The following ANXA13 variants were observed in gnomAD, a reference collection of about 807,000 sequenced individuals.
ANXA13 encodes the protein annexin A13.
ANXA13 carries 36 observed loss-of-function variants against 46.6 expected under a neutral mutation model. The observed-to-expected ratio is 0.77, with a 90% CI of 0.59 to 1.02. ANXA13 has a LOEUF of 1.02. ANXA13 is among the 50% of genes least tolerant of loss of function. The pLI, the probability that ANXA13 is intolerant of heterozygous loss-of-function variation, is 0.00. For missense variants in ANXA13, 417 were observed against 396.5 expected, an observed-to-expected ratio of 1.05 and a Z score of -0.44; for synonymous variants, 163 against 152.9, an observed-to-expected ratio of 1.07 and a Z score of -0.49.
Position 123,681,493 on chromosome 8 carries a change from C to A in ANXA13, c.832-134G>T, listed in dbSNP as rs1424389608. 3.7e-6 allele frequency: 3 copies of A among 818,870 alleles called. No homozygotes were observed. In the African/African-American group the frequency reaches 5.1e-5, roughly 14 times the overall value. The allele number at this position is 818,870 out of a possible 1,614,324, so 50.7% of individuals were successfully genotyped here. ...CAGCCCTTGAGATAGGGCTTTATTT[C>A]CTATCATTATTTCCTTTATCACGTT... On this transcript the variant is annotated intron_variant, in intron 10 of 10. Coordinates refer to ENST00000419625, the MANE Select transcript of ANXA13 (RefSeq NM_004306.4).
rs775521561 is a variant in ANXA13 at position 123,698,548 on chromosome 8, T to C, written c.198A>G (p.Glu66=). 3.1e-6 allele frequency: 5 copies of C among 1,614,004 alleles called. No individual in the cohort carries two copies. The highest frequency in any genetic ancestry group is 4.2e-6 in the Non-Finnish European group (5 of 1,179,972). ...TTCCACTCAGCTCACTCTTGAGTAC[T>C]TCCTCCAGCTCCTACCAGAAGACAG... ...YKATYGKELE[E]VLKSELSGNF... The change falls in exon 4 of 11, where the codon GAA becomes GAG. Residue 66 remains glutamate (E), a synonymous_variant. Coordinates refer to ENST00000419625, the MANE Select transcript of ANXA13 (RefSeq NM_004306.4).
Position 123,693,299 on chromosome 8 carries a change from C to A in ANXA13, c.541-1G>T. The A allele has an allele frequency of 6.2e-7, 1 of 1,613,816 alleles. No homozygotes were observed. The highest frequency in any genetic ancestry group is 8.5e-7 in the Non-Finnish European group (1 of 1,179,812). On this transcript the variant is annotated splice_acceptor_variant, in intron 7 of 10. Transcript: ENST00000419625. LOFTEE classifies it high-confidence loss of function. ...CAGTGCCCCAGCGGCCTTCCCCTGC[C>A]TCAAGGGTCAAATACAAACACTTTG...
At position 123,698,579 on chromosome 8, in the gene ANXA13, G is replaced by A. The variant is rs775421021; in HGVS notation, c.187-20C>T. The A allele has an allele frequency of 1.2e-6, 2 of 1,612,536 alleles. No homozygotes were observed. The highest frequency in any genetic ancestry group is 2.2e-5 in the East Asian group (1 of 44,838). The stretch of plus-strand genomic sequence containing the variant: ...CAGCTCCTACCAGAAGACAGTGAGA[G>A]ACGTGCTGGGAATGGCCCAGGAGGA... On this transcript the variant is annotated intron_variant, in intron 3 of 10. Coordinates refer to ENST00000419625, the MANE Select transcript of ANXA13 (RefSeq NM_004306.4).
intron 10 of ANXA13, 60 bp from the exon 11 acceptor site, chr8:123,681,419 G>C: frequency 1.3e-6 from 2 of 1,531,508 alleles, no homozygotes; most frequent in Non-Finnish European, 1.8e-6. Context: ...ACAAACAGTG[G>C]GCACTGTTCT....
At chr8:123,725,693 C>A (rs1400020451) in intron 1 of ANXA13, among the ~76,000 whole-genome samples, 1 of 152,118 alleles carries the variant, frequency 6.6e-6, no homozygotes, top group African/African-American at 2.4e-5. Context: ...TGGCAGTATA[C>A]CCTGTTGGGT....
At position 123,712,400 on chromosome 8, in the gene ANXA13, C is replaced by T. The variant is rs114739259; in HGVS notation, c.91+278G>A. The T allele has an allele frequency of 3.4e-3, 1,632 of 479,850 alleles. 22 individuals are homozygous for T. Among genetic ancestry groups the T allele is most frequent in the African/African-American group, 0.027 (1,380 of 51,232 alleles). 29.7% of individuals were successfully genotyped at this position (479,850 alleles called of 1,614,324 possible). On this transcript the variant is annotated intron_variant, in intron 2 of 10. Coordinates refer to ENST00000419625, the MANE Select transcript of ANXA13 (RefSeq NM_004306.4). ...AGAACAGACTAATACACCAGGATTG[C>T]ATGAACTGCACTTCTCATGAAGTTT...
intron 1 of ANXA13, among the ~76,000 whole-genome samples, chr8:123,734,538 T>C (rs1814211293): frequency 6.6e-6 from 1 of 152,088 alleles, no homozygotes; most frequent in African/African-American, 2.4e-5. Context: ...AAATCATTAA[T>C]AGTGGCAAAA....
At chr8:123,687,527 A>G (rs1586312257) in intron 9 of ANXA13, among the ~76,000 whole-genome samples, 1 of 152,284 alleles carries the variant, frequency 6.6e-6, no homozygotes, top group East Asian at 1.9e-4. Flanking sequence ...GTGGGTCATG[A>G]GTAATGCCAG....
intron 9 of ANXA13, among the ~76,000 whole-genome samples, chr8:123,686,467 A>T (rs1813142127): frequency 6.8e-6 from 1 of 147,756 alleles, no homozygotes; most frequent in East Asian, 2.0e-4. Context: ...CTTAAAAAAA[A>T]AAAAAAGAAA....
At chr8:123,706,869 G>C (rs1306545276) in intron 2 of ANXA13, among the ~76,000 whole-genome samples, 2 of 152,278 alleles carry the variant, frequency 1.3e-5, no homozygotes, top group Non-Finnish European at 2.9e-5. Flanking sequence ...GCAGCTCCTA[G>C]AACAAACAAC....
chr8:123,715,529 C>G lies in ANXA13; in HGVS notation c.16-2776G>C, dbSNP rs1413317309. ...TCAGTGCAGAGAATTTTTTGGGACA[C>G]ATGATCTGTCCCACTTGACAACTAA... On this transcript the variant is annotated intron_variant, in intron 1 of 10. Coordinates refer to ENST00000419625, the MANE Select transcript of ANXA13 (RefSeq NM_004306.4). Among the ~76,000 whole-genome samples the G allele has an allele frequency of 2.0e-5, 3 of 152,194 alleles. No homozygotes were observed. In the East Asian group the frequency reaches 5.8e-4, roughly 29 times the overall value.
Position 123,727,509 on chromosome 8 carries a change from G to A in ANXA13, c.15+9811C>T, listed in dbSNP as rs78957046. ...ACCAGGAGCGATTTTTGTCTCCCAG[G>A]AGACAATTGGCAATGTCTGGAGACA... On this transcript the variant is annotated intron_variant, in intron 1 of 10. Transcript: ENST00000419625. Among the ~76,000 whole-genome samples the A allele has an allele frequency of 5.6e-4, 85 of 152,116 alleles. 1 individual carries two copies. The highest frequency in any genetic ancestry group is 2.0e-3 in the African/African-American group (84 of 41,498).
intron 1 of ANXA13, among the ~76,000 whole-genome samples, chr8:123,717,464 C>A (rs1226884672): frequency 6.6e-6 from 1 of 152,108 alleles, no homozygotes; most frequent in Non-Finnish European, 1.5e-5. Flanking sequence ...GATACATACA[C>A]AAACATATGT....
Position 123,693,179 on chromosome 8 carries a change from C to T in ANXA13, c.642+18G>A. ...ACTTTCAGAGTGAACTCTTTTGCCC[C>T]AATACTTTATGACTTACAATTTGAT... On this transcript the variant is annotated intron_variant, in intron 8 of 10. Transcript: ENST00000419625. 6.2e-7 allele frequency: 1 copy of T among 1,608,686 alleles called. No individual in the cohort carries two copies. The highest frequency in any genetic ancestry group is 8.5e-7 in the Non-Finnish European group (1 of 1,175,390).
intron 8 of ANXA13, among the ~76,000 whole-genome samples, chr8:123,692,815 G>T: frequency 6.6e-6 from 1 of 152,112 alleles, no homozygotes; most frequent in East Asian, 1.9e-4. Context: ...CCCAGGATTT[G>T]CACCTGGACT....
chr8:123,731,886 C>T (rs368375472), intron 1 of ANXA13, among the ~76,000 whole-genome samples: 11 of 152,020 alleles, frequency 7.2e-5, no homozygotes, highest in African/African-American at 1.9e-4. Context: ...AAACACAAAA[C>T]AAAAACAAAA....
chr8:123,704,278 GA>G (rs1244689583), intron 2 of ANXA13, among the ~76,000 whole-genome samples: 1 of 152,150 alleles, frequency 6.6e-6, no homozygotes, highest in African/African-American at 2.4e-5. Context: ...GGAGCTGGAG[GA>G]AATGTTAGAG....
intron 4 of ANXA13, among the ~76,000 whole-genome samples, chr8:123,696,134 T>C (rs2129850836): frequency 6.6e-6 from 1 of 152,150 alleles, no homozygotes; most frequent in Non-Finnish European, 1.5e-5. Context: ...TATATATATG[T>C]GCTACTGAAA....
At chr8:123,688,759 C>T in intron 9 of ANXA13, 112 bp downstream of exon 9, 1 of 908,636 alleles carries the variant, frequency 1.1e-6, no homozygotes, top group Non-Finnish European at 1.8e-6. Flanking sequence ...GCTGCTTAGA[C>T]CTGTTGACCC....
Sources: gnomAD v4.1 joint callset for allele counts (sites outside exome capture counted in the v4.1 genomes callset) on GRCh38, gnomAD v4.1.1 for gene constraint, MANE v1.5 for transcripts, NCBI Gene and HGNC (gene_info 2026-07-23, HGNC 2026-07-21) for gene names.